The following FTCDNL1 variants were observed in gnomAD, a reference collection of about 807,000 sequenced individuals.
FTCDNL1 encodes formiminotransferase cyclodeaminase N-terminal like.
Under a neutral mutation model 5.9 loss-of-function variants are expected in FTCDNL1, and 11 were observed. The ratio of observed to expected loss-of-function variants is 1.87; its 90% CI spans 1.18 to 3.10. The LOEUF is 3.10. Ranked by LOEUF, FTCDNL1 falls within the 30% of genes most tolerant of loss-of-function variation. The probability of loss-of-function intolerance (pLI) is 0.00; values close to 1 mark genes in which losing one functional copy is unlikely to be tolerated. For synonymous variants in FTCDNL1, 58 were observed against 24.8 expected (o/e 2.34, Z -3.99); for missense variants, 115 against 65.5 (o/e 1.76, Z -2.61).
intron 3 of FTCDNL1, among the ~76,000 whole-genome samples, chr2:199,825,409 G>A (rs182219003): frequency 6.6e-6 from 1 of 152,298 alleles, no homozygotes; most frequent in African/African-American, 2.4e-5. Flanking sequence ...ACAGTCAACT[G>A]AAGTTTAGGA....
the FTCDNL1 span, among the ~76,000 whole-genome samples, chr2:199,664,931 C>T: frequency 6.6e-6 from 1 of 152,146 alleles, no homozygotes; most frequent in African/African-American, 2.4e-5. Context: ...TGGCCCAATT[C>T]GCCATATAAT....
chr2:199,687,894 CTT>C, the FTCDNL1 span, among the ~76,000 whole-genome samples: 28 of 152,038 alleles, frequency 1.8e-4, no homozygotes, highest in African/African-American at 4.8e-5. Context: ...GGCTCAAAGA[CTT>C]TATATCACTT....
At chr2:199,724,885 G>C in the FTCDNL1 span, among the ~76,000 whole-genome samples, 1 of 152,038 alleles carries the variant, frequency 6.6e-6, no homozygotes, top group Admixed American at 6.6e-5. Flanking sequence ...GAGTTCTGCA[G>C]ATTTCCATCA....
At chr2:199,752,935 T>C in the FTCDNL1 span, among the ~76,000 whole-genome samples, 7 of 152,180 alleles carry the variant, frequency 4.6e-5, no homozygotes, top group East Asian at 1.4e-3. Context: ...GAGTTTAGTT[T>C]TTCTCGTCTG....
In FTCDNL1 at chr2:199,791,576, G is replaced by A. The variant is rs553518527; in HGVS notation, c.212-30741C>T. On this transcript the variant is annotated intron_variant, in intron 3 of 3. Coordinates refer to the FTCDNL1 transcript ENST00000416668. ...AGAGCTGTTCTCACAGCTCCCACAC[G>A]TACAATCAAAACAAATATGCTAAAC... Among the ~76,000 whole-genome samples the A allele has an allele frequency of 9.2e-5, 14 of 152,130 alleles. No homozygotes were observed. In the South Asian group the frequency reaches 1.0e-3, roughly 11 times the overall value.
downstream of FTCDNL1, among the ~76,000 whole-genome samples, chr2:199,809,070 C>G (rs146452279): frequency 3.9e-5 from 6 of 152,264 alleles, no homozygotes; most frequent in Admixed American, 6.5e-5. Flanking sequence ...AAATTCCTCA[C>G]GTCTAAAAAC....
At chr2:199,824,338 A>G (rs770565372) in intron 3 of FTCDNL1, among the ~76,000 whole-genome samples, 2 of 152,204 alleles carry the variant, frequency 1.3e-5, no homozygotes, top group Non-Finnish European at 2.9e-5. Context: ...CTTTCTTTGG[A>G]TTAGGCTTTG....
chr2:199,692,651 C>A, the FTCDNL1 span, among the ~76,000 whole-genome samples: 1 of 152,212 alleles, frequency 6.6e-6, no homozygotes, highest in Non-Finnish European at 1.5e-5. Context: ...AATAAGCACC[C>A]TCCAGCTTGT....
chr2:199,709,724 G>C, the FTCDNL1 span, among the ~76,000 whole-genome samples: 4 of 152,130 alleles, frequency 2.6e-5, no homozygotes, highest in Non-Finnish European at 5.9e-5. Context: ...AGAGGAAAGG[G>C]AGGTGAGAAA....
the FTCDNL1 span, among the ~76,000 whole-genome samples, chr2:199,750,352 T>G: frequency 1.2e-5 from 1 of 84,824 alleles, no homozygotes; most frequent in Non-Finnish European, 2.6e-5. Flanking sequence ...AAAGAAATGT[T>G]GTCTAAATAA....
At chr2:199,737,379 A>T in the FTCDNL1 span, among the ~76,000 whole-genome samples, 8 of 152,206 alleles carry the variant, frequency 5.3e-5, no homozygotes, top group Admixed American at 4.6e-4. Flanking sequence ...TATGAATAGA[A>T]TTTCCCAGAT....
the FTCDNL1 span, among the ~76,000 whole-genome samples, chr2:199,719,072 T>A: frequency 7.9e-5 from 12 of 152,248 alleles, no homozygotes; most frequent in South Asian, 2.5e-3. Context: ...TCTATTTTTG[T>A]TTTTGTTGCA....
rs1231610941 is a variant in FTCDNL1, at chr2:199,811,165, C to CAAT, written c.*1537_*1539dup. On this transcript the variant is annotated 3_prime_UTR_variant, in exon 5 of 5. Transcript: ENST00000420128. ...CATAAAAATTAAATTTCCTAACAGT[C>CAAT]AATACATCTCTCTCTCATCATCTCA... 2.0e-5 allele frequency among the ~76,000 whole-genome samples: 3 copies of CAAT among 152,180 alleles called. No homozygotes were observed. The highest frequency in any genetic ancestry group is 3.2e-3 in the Middle Eastern group (1 of 316).
chr2:199,733,556 G>A, the FTCDNL1 span, among the ~76,000 whole-genome samples: 2 of 152,196 alleles, frequency 1.3e-5, no homozygotes, highest in African/African-American at 4.8e-5. Flanking sequence ...CTCATCAGTG[G>A]AGCTACTGTA....
At chr2:199,752,753 T>C in the FTCDNL1 span, among the ~76,000 whole-genome samples, 2 of 118,092 alleles carry the variant, frequency 1.7e-5, no homozygotes, top group African/African-American at 5.5e-5. Flanking sequence ...TGTGTGTGTG[T>C]GTGTGTGTGT....
At chr2:199,747,095 G>A in the FTCDNL1 span, among the ~76,000 whole-genome samples, 16 of 151,066 alleles carry the variant, frequency 1.1e-4, no homozygotes, top group Admixed American at 8.6e-4. Context: ...CCCTCATAAA[G>A]ATCCTTGAAC....
At chr2:199,840,536 T>C (rs1456748915) in intron 3 of FTCDNL1, among the ~76,000 whole-genome samples, 1 of 151,990 alleles carries the variant, frequency 6.6e-6, no homozygotes, top group Non-Finnish European at 1.5e-5. Flanking sequence ...ATTTTCATAT[T>C]CCACAGTGAG....
At chr2:199,750,133 C>T in the FTCDNL1 span, among the ~76,000 whole-genome samples, 502 of 151,656 alleles carry the variant, frequency 3.3e-3, 5 homozygotes, top group African/African-American at 0.012. Flanking sequence ...GCAGGTGGAA[C>T]TCTTGAGCCC....
At chr2:199,791,314 A>G (rs1360106574) in intron 3 of FTCDNL1, among the ~76,000 whole-genome samples, 1 of 152,194 alleles carries the variant, frequency 6.6e-6, no homozygotes, top group Admixed American at 6.5e-5. Flanking sequence ...ACCCAGCAAA[A>G]AGAGAAAGGA....
Sources: allele counts gnomAD v4.1 joint callset (sites outside exome capture counted in the v4.1 genomes callset), GRCh38; gene constraint gnomAD v4.1.1; transcripts MANE v1.5; gene names NCBI Gene and HGNC (gene_info 2026-07-23, HGNC 2026-07-21).